SLC44A5: variants seen among roughly 807,000 people sequenced by gnomAD.
SLC44A5 encodes solute carrier family 44 member 5.
A neutral mutation model predicts 101.8 loss-of-function variants in SLC44A5; 57 were observed. The observed-to-expected ratio is 0.56, with a 90% CI of 0.45 to 0.70. The LOEUF (loss-of-function observed/expected upper bound fraction) is 0.70, where lower values mean the gene tolerates loss of function less well. Among genes scored for constraint, SLC44A5 ranks in the 30% least tolerant of loss-of-function variants. SLC44A5 has a pLI of 0.00. For synonymous variants in SLC44A5, 281 were observed against 290.9 expected (o/e 0.97, Z 0.35); for missense variants, 737 against 853.1 (o/e 0.86, Z 1.70).
At chr1:75,481,994 A>G (rs1667887176) in intron 2 of SLC44A5, among the ~76,000 whole-genome samples, 1 of 152,174 alleles carries the variant, frequency 6.6e-6, no homozygotes, top group Admixed American at 6.6e-5. Context: ...GGCACTATTC[A>G]CAATAGCAAA....
the SLC44A5 span, among the ~76,000 whole-genome samples, chr1:75,688,740 T>C: frequency 6.6e-6 from 1 of 152,132 alleles, no homozygotes; most frequent in Non-Finnish European, 1.5e-5. Flanking sequence ...TAATTTCCCA[T>C]ACAAGTGTCA....
chr1:75,230,641 G>C (rs1461745170), intron 12 of SLC44A5, among the ~76,000 whole-genome samples: 1 of 151,858 alleles, frequency 6.6e-6, no homozygotes, highest in African/African-American at 2.4e-5. Context: ...TTTTGAGACA[G>C]AGTCTTATTC....
chr1:75,331,364 C>A (rs1657040969), intron 4 of SLC44A5, among the ~76,000 whole-genome samples: 1 of 152,164 alleles, frequency 6.6e-6, no homozygotes, highest in African/African-American at 2.4e-5. Flanking sequence ...GTTCAAGTCA[C>A]AAATCTAACA....
At chr1:75,306,927 A>T (rs1364360367) in intron 4 of SLC44A5, among the ~76,000 whole-genome samples, 1 of 150,758 alleles carries the variant, frequency 6.6e-6, no homozygotes, top group Non-Finnish European at 1.5e-5. Flanking sequence ...TTTAGTAGAG[A>T]CGGGGTTTCA....
rs562942761 is a variant in SLC44A5, at chr1:75,237,686, T to G, written c.657-616A>C. 2.0e-5 allele frequency among the ~76,000 whole-genome samples: 3 copies of G among 152,194 alleles called. No homozygotes were observed. The East Asian group carries it at 5.8e-4, about 29-fold the overall frequency. On this transcript the variant is annotated intron_variant, in intron 10 of 23. Transcript: ENST00000370859. ...TATATGCATCACAGGGAAATAAATT[T>G]AACTCTGCTTGTTTTTGACTTTTAT...
At chr1:75,648,611 AG>A in the SLC44A5 span, among the ~76,000 whole-genome samples, 1 of 152,030 alleles carries the variant, frequency 6.6e-6, no homozygotes, top group African/African-American at 2.4e-5. Flanking sequence ...GCTTTAGGAA[AG>A]AAGGGAGAGG....
intron 4 of SLC44A5, 87 bp downstream of exon 4, chr1:75,339,495 A>T: frequency 9.7e-7 from 1 of 1,035,408 alleles, no homozygotes; most frequent in Non-Finnish European, 1.4e-6. Context: ...ACAATTCTCC[A>T]CTGACTGGAA....
intron 1 of SLC44A5, among the ~76,000 whole-genome samples, chr1:75,585,462 C>A (rs1302475594): frequency 6.6e-6 from 1 of 152,160 alleles, no homozygotes; most frequent in African/African-American, 2.4e-5. Flanking sequence ...AAAAAGAATA[C>A]CCACTTCAGT....
At chr1:75,412,222 C>T (rs1038472767) in intron 2 of SLC44A5, among the ~76,000 whole-genome samples, 1 of 152,066 alleles carries the variant, frequency 6.6e-6, no homozygotes, top group African/African-American at 2.4e-5. Context: ...GTATCTCCAG[C>T]GTATAACACA....
rs1260113551 is a variant in SLC44A5, at chr1:75,398,392, T to C, written c.14-1771A>G. The C allele has an allele frequency of 9.1e-6, 9 of 985,280 alleles. No individual in the cohort carries two copies. In the Admixed American group the frequency reaches 3.7e-4, roughly 40 times the overall value. 61.0% of individuals were successfully genotyped at this position (985,280 alleles called of 1,614,324 possible). ...TCCCATTTGGAATCAGTGCCGGGTATAGCAGGAAGCATGTCAGTAATCTCA... is the reference window on the plus strand; with the variant it reads ...TCCCATTTGGAATCAGTGCCGGGTACAGCAGGAAGCATGTCAGTAATCTCA... On this transcript the variant is annotated intron_variant, in intron 2 of 23. Transcript: ENST00000370859.
the SLC44A5 span, among the ~76,000 whole-genome samples, chr1:75,647,040 G>T: frequency 6.6e-6 from 1 of 152,206 alleles, no homozygotes; most frequent in African/African-American, 2.4e-5. Flanking sequence ...TGTCTATAGG[G>T]CATGTCAGAG....
At chr1:75,723,232 C>G in the SLC44A5 span, among the ~76,000 whole-genome samples, 1 of 152,156 alleles carries the variant, frequency 6.6e-6, no homozygotes, top group Non-Finnish European at 1.5e-5. Context: ...AGACTACTAG[C>G]GAGCGGCAAC....
intron 1 of SLC44A5, among the ~76,000 whole-genome samples, chr1:75,586,442 A>G (rs1271780397): frequency 7.4e-6 from 1 of 135,158 alleles, no homozygotes; most frequent in African/African-American, 2.7e-5. Context: ...GCGAACCCTA[A>G]TACAATATTT....
At chr1:75,532,851 G>T (rs944262839) in intron 2 of SLC44A5, among the ~76,000 whole-genome samples, 1 of 152,020 alleles carries the variant, frequency 6.6e-6, no homozygotes, top group African/African-American at 2.4e-5. Context: ...ACAAGCCTGG[G>T]CAACATAGCA....
chr1:75,653,589 T>G, the SLC44A5 span, among the ~76,000 whole-genome samples: 1 of 152,126 alleles, frequency 6.6e-6, no homozygotes, highest in African/African-American at 2.4e-5. Context: ...AAGGAGATAA[T>G]CTAAGCAATT....
At chr1:75,275,146 C>T (rs1174334405) in intron 5 of SLC44A5, 104 bp from the exon 6 acceptor site, 1 of 730,046 alleles carries the variant, frequency 1.4e-6, no homozygotes, top group African/African-American at 1.8e-5. Flanking sequence ...AACCTCTCCC[C>T]TCAGTCACAG....
At chr1:75,355,340 CTA>C (rs1210022738) in intron 3 of SLC44A5, among the ~76,000 whole-genome samples, 2 of 152,130 alleles carry the variant, frequency 1.3e-5, no homozygotes, top group Non-Finnish European at 2.9e-5. Context: ...TATTCTAACA[CTA>C]TGTTTTTGAC....
intron 1 of SLC44A5, among the ~76,000 whole-genome samples, chr1:75,588,144 CTT>C (rs1674126060): frequency 6.6e-6 from 1 of 151,138 alleles, no homozygotes; most frequent in African/African-American, 2.4e-5. Context: ...ACAAAGAAAA[CTT>C]TGACTATGTT....
At chr1:75,265,624 C>A (rs2100709074) in intron 6 of SLC44A5, among the ~76,000 whole-genome samples, 1 of 152,136 alleles carries the variant, frequency 6.6e-6, no homozygotes, top group African/African-American at 2.4e-5. Context: ...CACTAAATAC[C>A]CTGACTTGAA....
Sources: allele counts gnomAD v4.1 joint callset (sites outside exome capture counted in the v4.1 genomes callset), GRCh38; gene constraint gnomAD v4.1.1; transcripts MANE v1.5; gene names NCBI Gene and HGNC (gene_info 2026-07-23, HGNC 2026-07-21).